SLC35D4: variants seen among roughly 807,000 people sequenced by gnomAD.
The protein encoded by SLC35D4 is UDP-N-acetylglucosamine transporter SLC35D4.
the SLC35D4 span, among the ~76,000 whole-genome samples, chr18:23,290,861 C>A: frequency 1.3e-5 from 2 of 151,500 alleles, no homozygotes; most frequent in Non-Finnish European, 2.9e-5. Context: ...TGGTCTCGAA[C>A]TCCTGACCTC....
the SLC35D4 span, among the ~76,000 whole-genome samples, chr18:23,241,215 A>G: frequency 2.0e-5 from 3 of 149,270 alleles, no homozygotes; most frequent in African/African-American, 4.9e-5. Flanking sequence ...GTGTCAGTAG[A>G]TTTTTTTTTT....
the SLC35D4 span, among the ~76,000 whole-genome samples, chr18:23,265,017 G>A: frequency 6.6e-6 from 1 of 150,664 alleles, no homozygotes; most frequent in East Asian, 1.9e-4. Context: ...TATTCATGAG[G>A]GATCCACCCC....
At chr18:23,258,155 G>C in the SLC35D4 span, 2 of 152,440 alleles carry the variant, frequency 1.3e-5, no homozygotes, top group Non-Finnish European at 2.9e-5. Context: ...GTGGAAGGAC[G>C]TGGAGCGTGG....
At chr18:23,240,033 G>A in the SLC35D4 span, among the ~76,000 whole-genome samples, 2 of 152,314 alleles carry the variant, frequency 1.3e-5, no homozygotes, top group African/African-American at 4.8e-5. Context: ...TGGGAGAATT[G>A]CTTGAACCCA....
At chr18:23,354,444 C>T in the SLC35D4 span, among the ~76,000 whole-genome samples, 625 of 150,406 alleles carry the variant, frequency 4.2e-3, 6 homozygotes, top group African/African-American at 0.015. Flanking sequence ...TGGGTGAACC[C>T]GGCAGGCAGA....
the SLC35D4 span, among the ~76,000 whole-genome samples, chr18:23,251,459 T>C: frequency 2.0e-5 from 3 of 150,690 alleles, no homozygotes; most frequent in Admixed American, 2.0e-4. Flanking sequence ...TCAAAAAAAA[T>C]AAAAAAAGAT....
At chr18:23,399,519 G>A in the SLC35D4 span, 1 of 1,569,706 alleles carries the variant, frequency 6.4e-7, no homozygotes, top group Non-Finnish European at 8.8e-7. Flanking sequence ...AAAAGGCAAA[G>A]GGGAAAGGGA....
chr18:23,392,985 G>A, the SLC35D4 span, among the ~76,000 whole-genome samples: 1 of 151,946 alleles, frequency 6.6e-6, no homozygotes, highest in Non-Finnish European at 1.5e-5. Flanking sequence ...GCATGATCTC[G>A]GCTCACTGCA....
chr18:23,286,600 G>C, the SLC35D4 span, among the ~76,000 whole-genome samples: 2 of 151,966 alleles, frequency 1.3e-5, no homozygotes, highest in Admixed American at 6.6e-5. Context: ...TCTCACAGTG[G>C]AGGGTAAGTC....
the SLC35D4 span, chr18:23,370,215 C>T: frequency 6.2e-7 from 1 of 1,604,292 alleles, no homozygotes; most frequent in Non-Finnish European, 8.5e-7. Flanking sequence ...AAAGAGTTTA[C>T]CTTAATGCAC....
the SLC35D4 span, among the ~76,000 whole-genome samples, chr18:23,303,240 A>G: frequency 6.6e-6 from 1 of 152,242 alleles, no homozygotes; most frequent in South Asian, 2.1e-4. Context: ...TGTGGTTGGA[A>G]AATTCCTTCA....
the SLC35D4 span, among the ~76,000 whole-genome samples, chr18:23,269,557 G>A: frequency 6.6e-6 from 1 of 152,184 alleles, no homozygotes; most frequent in Admixed American, 6.5e-5. Context: ...CGAAAAATGT[G>A]GAAGCAATTT....
At chr18:23,379,925 G>A in the SLC35D4 span, among the ~76,000 whole-genome samples, 4 of 151,950 alleles carry the variant, frequency 2.6e-5, no homozygotes, top group African/African-American at 4.8e-5. Flanking sequence ...GCGAAACCCC[G>A]TCTCTACTAA....
the SLC35D4 span, among the ~76,000 whole-genome samples, chr18:23,371,102 T>C: frequency 3.3e-4 from 49 of 147,244 alleles, 2 homozygotes; most frequent in South Asian, 0.011. Context: ...TCTCTCTCTC[T>C]TTCTTTTTTT....
chr18:23,339,539 A>G, the SLC35D4 span, among the ~76,000 whole-genome samples: 1 of 152,218 alleles, frequency 6.6e-6, no homozygotes, highest in Non-Finnish European at 1.5e-5. Flanking sequence ...TTTGTGCACT[A>G]TCTTTGGATA....
the SLC35D4 span, chr18:23,253,806 A>G: frequency 3.1e-6 from 5 of 1,614,242 alleles, no homozygotes; most frequent in African/African-American, 1.3e-5. Flanking sequence ...GCCTTCGTCT[A>G]CTTTGAAAAG....
chr18:23,399,703 C>A, the SLC35D4 span: 1 of 1,573,848 alleles, frequency 6.4e-7, no homozygotes, highest in Non-Finnish European at 8.7e-7. Flanking sequence ...TAAGAAAGAC[C>A]TAGCTGGAAA....
At chr18:23,383,126 T>C in the SLC35D4 span, among the ~76,000 whole-genome samples, 7 of 151,936 alleles carry the variant, frequency 4.6e-5, no homozygotes, top group South Asian at 8.3e-4. Context: ...GGGAGAACCA[T>C]AGGACAGCAA....
the SLC35D4 span, among the ~76,000 whole-genome samples, chr18:23,343,296 T>G: frequency 2.6e-5 from 4 of 152,124 alleles, no homozygotes; most frequent in African/African-American, 9.7e-5. Flanking sequence ...TTCACTCTTG[T>G]CGCCCAGGCT....
Sources: allele counts gnomAD v4.1 joint callset (sites outside exome capture counted in the v4.1 genomes callset), GRCh38; gene constraint gnomAD v4.1.1; transcripts MANE v1.5; gene names NCBI Gene and HGNC (gene_info 2026-07-23, HGNC 2026-07-21).